GALNTL6: variants seen among roughly 807,000 people sequenced by gnomAD.
GALNTL6 encodes the protein polypeptide N-acetylgalactosaminyltransferase-like 6.
A neutral mutation model predicts 73.7 loss-of-function variants in GALNTL6; 46 were observed. The ratio of observed to expected loss-of-function variants is 0.62; its 90% CI spans 0.49 to 0.80. The LOEUF (loss-of-function observed/expected upper bound fraction) is 0.80. GALNTL6 is among the 30% of genes least tolerant of loss of function. The probability of loss-of-function intolerance (pLI) is 0.00; values close to 1 mark genes in which losing one functional copy is unlikely to be tolerated. For missense variants in GALNTL6, 604 were observed against 755.0 expected, an observed-to-expected ratio of 0.80 and a Z score of 2.34; for synonymous variants, 259 against 263.7, an observed-to-expected ratio of 0.98 and a Z score of 0.17.
At chr4:172,425,272 T>C (rs1342107395) in intron 5 of GALNTL6, 2 of 152,110 alleles carry the variant, frequency 1.3e-5, no homozygotes, top group Non-Finnish European at 2.9e-5. Context: ...TATCCTACTT[T>C]CCTTTCTGCA....
At chr4:173,024,375 C>T (rs1368821962) in intron 12 of GALNTL6, among the ~76,000 whole-genome samples, 1 of 152,176 alleles carries the variant, frequency 6.6e-6, no homozygotes, top group Non-Finnish European at 1.5e-5. Flanking sequence ...CATGCAAAGG[C>T]TCAAAATGGA....
intron 5 of GALNTL6, among the ~76,000 whole-genome samples, chr4:172,630,206 CAT>C (rs1358939330): frequency 1.3e-5 from 2 of 152,214 alleles, no homozygotes; most frequent in East Asian, 3.9e-4. Flanking sequence ...AAAGAGAAAA[CAT>C]AACCATTACA....
chr4:172,410,463 T>C (rs1744391702), intron 5 of GALNTL6, among the ~76,000 whole-genome samples: 1 of 152,070 alleles, frequency 6.6e-6, no homozygotes, highest in Non-Finnish European at 1.5e-5. Flanking sequence ...GGTCTTTATG[T>C]GAGGCAAGCA....
intron 10 of GALNTL6, among the ~76,000 whole-genome samples, chr4:172,981,172 A>G (rs1344241481): frequency 2.0e-5 from 3 of 152,216 alleles, no homozygotes; most frequent in East Asian, 1.9e-4. Context: ...GCATATAAAT[A>G]TCTGTTCAAG....
chr4:172,124,639 A>G (rs1733246119), intron 2 of GALNTL6, among the ~76,000 whole-genome samples: 1 of 152,202 alleles, frequency 6.6e-6, no homozygotes, highest in African/African-American at 2.4e-5. Context: ...AAAACATGAA[A>G]TCCTTGTTTC....
At chr4:171,814,370 A>G (rs1452663722) in intron 1 of GALNTL6, 42 bp from the exon 2 acceptor site, 1 of 599,508 alleles carries the variant, frequency 1.7e-6, no homozygotes, top group African/African-American at 1.9e-5. Flanking sequence ...TGCCTTCGTC[A>G]TAGTTTTCTG....
chr4:172,979,113 A>G (rs1365496712), intron 10 of GALNTL6, among the ~76,000 whole-genome samples: 1 of 152,252 alleles, frequency 6.6e-6, no homozygotes, highest in Admixed American at 6.5e-5. Context: ...GGGTGTTGGT[A>G]GTACAAATAT....
intron 5 of GALNTL6, among the ~76,000 whole-genome samples, chr4:172,407,149 G>A (rs553487919): frequency 1.5e-4 from 22 of 151,722 alleles, no homozygotes; most frequent in African/African-American, 3.4e-4. Context: ...TTTTATATTC[G>A]CACTTTATCA....
chr4:172,848,998 C>T (rs1743663157), intron 7 of GALNTL6, among the ~76,000 whole-genome samples: 1 of 152,040 alleles, frequency 6.6e-6, no homozygotes, highest in African/African-American at 2.4e-5. Context: ...CTTCAGAAGC[C>T]ACAGCTGAGG....
At chr4:172,854,145 C>T (rs1743993906) in intron 7 of GALNTL6, among the ~76,000 whole-genome samples, 1 of 152,128 alleles carries the variant, frequency 6.6e-6, no homozygotes, top group South Asian at 2.1e-4. Flanking sequence ...TTCCTCATTG[C>T]ATTTCCTTGT....
chr4:172,837,632 G>A (rs1487602290), intron 7 of GALNTL6, among the ~76,000 whole-genome samples: 1 of 152,182 alleles, frequency 6.6e-6, no homozygotes, highest in Non-Finnish European at 1.5e-5. Context: ...TCAGCTTAGT[G>A]GCCAAAGATT....
intron 5 of GALNTL6, among the ~76,000 whole-genome samples, chr4:172,548,575 T>A (rs1735853270): frequency 6.6e-6 from 1 of 152,208 alleles, no homozygotes; most frequent in Non-Finnish European, 1.5e-5. Flanking sequence ...TAGACTCCAT[T>A]ATCCAGGAAA....
At chr4:172,712,340 G>A (rs753945029) in intron 5 of GALNTL6, among the ~76,000 whole-genome samples, 8 of 152,024 alleles carry the variant, frequency 5.3e-5, no homozygotes, top group Non-Finnish European at 1.0e-4. Context: ...TGTGCAGAAC[G>A]TGCAGGTTAG....
intron 7 of GALNTL6, among the ~76,000 whole-genome samples, chr4:172,816,983 T>G (rs547473169): frequency 2.4e-4 from 36 of 151,752 alleles, no homozygotes; most frequent in Non-Finnish European, 2.4e-4. Flanking sequence ...GGTGGGTGCC[T>G]GTAGTCCCAA....
At chr4:172,741,275 ATAT>A (rs1032915850) in intron 5 of GALNTL6, among the ~76,000 whole-genome samples, 8 of 152,098 alleles carry the variant, frequency 5.3e-5, no homozygotes, top group African/African-American at 1.9e-4. Context: ...CTCTGAAGGG[ATAT>A]TATGAAGCTG....
At chr4:172,606,003 T>C (rs548633724) in intron 5 of GALNTL6, among the ~76,000 whole-genome samples, 1 of 116,902 alleles carries the variant, frequency 8.6e-6, no homozygotes, top group Non-Finnish European at 2.0e-5. Flanking sequence ...TCTCCCAGTG[T>C]GTATGTGGGC....
chr4:172,772,064 G>C (rs1482965507), intron 5 of GALNTL6, among the ~76,000 whole-genome samples: 1 of 144,568 alleles, frequency 6.9e-6, no homozygotes, highest in South Asian at 2.2e-4. Context: ...CATGGCAGCA[G>C]ACAAGCAAAG....
chr4:172,690,790 CCTT>C (rs1162094227), intron 5 of GALNTL6, among the ~76,000 whole-genome samples: 1 of 152,160 alleles, frequency 6.6e-6, no homozygotes, highest in African/African-American at 2.4e-5. Flanking sequence ...ATTCCCCAAA[CCTT>C]CTGGTTAACT....
Position 172,809,121 on chromosome 4 carries a change from C to G in GALNTL6, c.554-240C>G, listed in dbSNP as rs1741140250. On this transcript the variant is annotated intron_variant, in intron 5 of 12. Coordinates refer to ENST00000506823, the MANE Select transcript of GALNTL6 (RefSeq NM_001034845.3). This position sits in a 1 kb window ranked among gnomAD's most constrained non-coding sequence, Gnocchi z 4.4. ...CTGTCAGCCAGCAGTAACTGCATAACAGACCTCTGGCATGTCAGTGACTTT... is the reference window on the plus strand; with the variant it reads ...CTGTCAGCCAGCAGTAACTGCATAAGAGACCTCTGGCATGTCAGTGACTTT... Among the ~76,000 whole-genome samples, 1 of 152,158 alleles carries G rather than the reference C, an allele frequency of 6.6e-6. No homozygotes were observed. The highest frequency in any genetic ancestry group is 6.5e-5 in the Admixed American group (1 of 15,270).
Sources: allele counts gnomAD v4.1 joint callset (sites outside exome capture counted in the v4.1 genomes callset), GRCh38; gene constraint gnomAD v4.1.1; non-coding constraint Gnocchi (gnomAD v3.1); transcripts MANE v1.5; gene names NCBI Gene and HGNC (gene_info 2026-07-23, HGNC 2026-07-21).